The following EPHB1 variants were observed in gnomAD, a reference collection of about 807,000 sequenced individuals.
EPHB1 encodes the protein ephrin type-B receptor 1.
EPHB1 carries 30 observed loss-of-function variants against 94.4 expected under a neutral mutation model. The ratio of observed to expected loss-of-function variants is 0.32; its 90% CI spans 0.24 to 0.43. EPHB1 has a LOEUF of 0.43. Among genes scored for constraint, EPHB1 ranks in the 20% least tolerant of loss-of-function variants. The probability of loss-of-function intolerance (pLI) is 1.00; values close to 1 mark genes in which losing one functional copy is unlikely to be tolerated. For synonymous variants in EPHB1, 522 were observed against 489.1 expected (o/e 1.07, Z -0.89); for missense variants, 1,055 against 1,308.3 (o/e 0.81, Z 2.99).
At chr3:135,074,380 A>G (rs1432936604) in intron 3 of EPHB1, among the ~76,000 whole-genome samples, 1 of 152,166 alleles carries the variant, frequency 6.6e-6, no homozygotes, top group Non-Finnish European at 1.5e-5. Context: ...CTAGGCTTTC[A>G]GGTTTTTTTT....
At chr3:134,848,109 C>T (rs1039734177) in intron 1 of EPHB1, among the ~76,000 whole-genome samples, 21 of 152,306 alleles carry the variant, frequency 1.4e-4, no homozygotes, top group Middle Eastern at 3.4e-3. Flanking sequence ...TAATGAGTCT[C>T]TTATGCTCTG....
At chr3:135,110,956 C>T (rs1939419401) in intron 4 of EPHB1, among the ~76,000 whole-genome samples, 1 of 152,178 alleles carries the variant, frequency 6.6e-6, no homozygotes, top group Non-Finnish European at 1.5e-5. Context: ...GGCCTAGACC[C>T]TGATCTTCCC....
At chr3:135,242,284 C>T (rs1277057525) in intron 13 of EPHB1, among the ~76,000 whole-genome samples, 3 of 152,108 alleles carry the variant, frequency 2.0e-5, no homozygotes, top group African/African-American at 4.8e-5. Flanking sequence ...CAGTTTTTAT[C>T]CTTCCCAACT....
intron 15 of EPHB1, among the ~76,000 whole-genome samples, chr3:135,252,486 A>ATAGTT (rs1933168693): frequency 6.7e-6 from 1 of 148,768 alleles, no homozygotes; most frequent in African/African-American, 2.5e-5. Context: ...TGTTCTCCCG[A>ATAGTT]TAGTTTACTG....
At chr3:135,141,145 C>CTTTCCT (rs1940810714) in intron 5 of EPHB1, among the ~76,000 whole-genome samples, 1 of 131,302 alleles carries the variant, frequency 7.6e-6, no homozygotes, top group South Asian at 2.6e-4. Context: ...CTTTCCTTTC[C>CTTTCCT]TTTTTTTTTT....
At chr3:135,233,123 C>T (rs371692534) in intron 12 of EPHB1, among the ~76,000 whole-genome samples, 11 of 152,198 alleles carry the variant, frequency 7.2e-5, no homozygotes, top group African/African-American at 2.4e-4. Flanking sequence ...CCGGCAGTCC[C>T]CCAAAATCTT....
At position 135,248,493 on chromosome 3, in the gene EPHB1, G is replaced by T. The variant is rs1205107482; in HGVS notation, c.2674G>T (p.Ala892Ser). ...GAACCCGGCAAGTCTCAAGACTGTG[G>T]CAACCATCACCGCCGTGTGAGTCTA... The part of the protein sequence containing the change: ...IRNPASLKTV[A>S]TITAVPSQPL... Residue 892 changes from alanine (A) to serine (S), a missense_variant, in exon 14 of 16, where the codon GCA becomes TCA. Coordinates refer to ENST00000398015, the MANE Select transcript of EPHB1 (RefSeq NM_004441.5). The T allele has an allele frequency of 1.9e-6, 3 of 1,606,130 alleles. No homozygotes were observed. In the South Asian group the frequency reaches 3.3e-5, roughly 18 times the overall value.
chr3:135,064,376 G>T (rs1304490373), intron 3 of EPHB1, among the ~76,000 whole-genome samples: 1 of 151,978 alleles, frequency 6.6e-6, no homozygotes, highest in Non-Finnish European at 1.5e-5. Flanking sequence ...CAATATTGCT[G>T]CTTGTTATTG....
At chr3:134,950,471 A>G (rs1932984182) in intron 2 of EPHB1, among the ~76,000 whole-genome samples, 1 of 152,226 alleles carries the variant, frequency 6.6e-6, no homozygotes, top group African/African-American at 2.4e-5. Context: ...TAATTTATAA[A>G]GAAAAGAGGT....
chr3:135,048,224 C>CTTTTTTTTTTTTTTTTTTTTTTTTTT (rs71157318), intron 3 of EPHB1, among the ~76,000 whole-genome samples: 1 of 109,022 alleles, frequency 9.2e-6, no homozygotes, highest in African/African-American at 3.5e-5. Flanking sequence ...AAAAAATACT[C>CTTTTTTTTTTTTTTTTTTTTTTTTTT]TTTTTTTTTT....
intron 1 of EPHB1, among the ~76,000 whole-genome samples, chr3:134,921,006 C>T (rs1388339253): frequency 2.0e-5 from 3 of 152,154 alleles, no homozygotes; most frequent in Admixed American, 1.3e-4. Context: ...CTCAGTCTCC[C>T]CTGAGTAGCT....
chr3:134,821,294 A>T (rs1333317691), intron 1 of EPHB1, among the ~76,000 whole-genome samples: 1 of 152,258 alleles, frequency 6.6e-6, no homozygotes, highest in African/African-American at 2.4e-5. Context: ...CCCTCATGGA[A>T]GCACACAGGG....
At chr3:134,922,956 A>G (rs1409130266) in intron 1 of EPHB1, among the ~76,000 whole-genome samples, 1 of 152,172 alleles carries the variant, frequency 6.6e-6, no homozygotes, top group African/African-American at 2.4e-5. Flanking sequence ...CATTTTAATA[A>G]TCATGGAGAT....
At chr3:134,904,253 T>G (rs1422908688) in intron 1 of EPHB1, among the ~76,000 whole-genome samples, 1 of 152,232 alleles carries the variant, frequency 6.6e-6, no homozygotes, top group Non-Finnish European at 1.5e-5. Flanking sequence ...ACACATCGCC[T>G]GTTTGCTTTT....
intron 9 of EPHB1, among the ~76,000 whole-genome samples, chr3:135,173,644 T>C (rs6801620): frequency 0.51 from 77,739 of 151,946 alleles, 20,877 homozygotes; most frequent in East Asian, 0.88. Context: ...TTTCTAGTGC[T>C]CGTCAGCCTT....
intron 2 of EPHB1, among the ~76,000 whole-genome samples, chr3:134,937,121 C>T (rs2039019344): frequency 6.6e-6 from 1 of 152,164 alleles, no homozygotes; most frequent in Non-Finnish European, 1.5e-5. Flanking sequence ...TTGGGGTTAA[C>T]CAGGGACCTT....
intron 1 of EPHB1, among the ~76,000 whole-genome samples, chr3:134,857,487 C>T (rs1011695298): frequency 3.3e-5 from 5 of 152,082 alleles, no homozygotes; most frequent in Admixed American, 6.6e-5. Context: ...CCCTGGGGTC[C>T]GTGCCCACTC....
At chr3:135,254,004 GCTCT>G (rs1333036216) in intron 15 of EPHB1, among the ~76,000 whole-genome samples, 5 of 120,288 alleles carry the variant, frequency 4.2e-5, no homozygotes, top group Admixed American at 8.7e-5. Context: ...TCATGATTTG[GCTCT>G]CTGTTTGTCT....
chr3:135,034,479 T>A (rs1231052575), intron 3 of EPHB1, among the ~76,000 whole-genome samples: 1 of 152,224 alleles, frequency 6.6e-6, no homozygotes, highest in Non-Finnish European at 1.5e-5. Flanking sequence ...CTCTTGACTG[T>A]GCATCTGTAA....
Sources: allele counts gnomAD v4.1 joint callset (sites outside exome capture counted in the v4.1 genomes callset), GRCh38; gene constraint gnomAD v4.1.1; transcripts MANE v1.5; gene names NCBI Gene and HGNC (gene_info 2026-07-23, HGNC 2026-07-21).